Variants in STXBP3 observed in about 807,000 individuals in gnomAD.
The protein encoded by STXBP3 is syntaxin binding protein 3.
STXBP3 carries 41 observed loss-of-function variants against 85.7 expected under a neutral mutation model. That is an observed-to-expected ratio of 0.48 (90% CI 0.37 to 0.62). The LOEUF (loss-of-function observed/expected upper bound fraction) is 0.62, where lower values mean the gene tolerates loss of function less well. Ranked by LOEUF, STXBP3 falls within the 20% of genes least tolerant of loss-of-function variation. STXBP3 has a pLI of 0.00. For synonymous variants in STXBP3, 229 were observed against 231.7 expected (o/e 0.99, Z 0.10); for missense variants, 563 against 703.1 (o/e 0.80, Z 2.25).
At chr1:108,804,375 C>T (rs1557816892) in intron 17 of STXBP3, among the ~76,000 whole-genome samples, 1 of 151,986 alleles carries the variant, frequency 6.6e-6, no homozygotes, top group Non-Finnish European at 1.5e-5. Flanking sequence ...CTTTTTTAAA[C>T]ATGCTTGGAC....
At chr1:108,802,414 A>C (rs1277034) in intron 17 of STXBP3, among the ~76,000 whole-genome samples, 1 of 150,234 alleles carries the variant, frequency 6.7e-6, no homozygotes, top group Non-Finnish European at 1.5e-5. Context: ...TTAATTAATT[A>C]ATTTATTTAT....
intron 9 of STXBP3, 97 bp from the exon 10 acceptor site, chr1:108,782,325 C>T (rs1662732474): frequency 1.1e-6 from 1 of 932,472 alleles, no homozygotes; most frequent in Non-Finnish European, 1.6e-6. Flanking sequence ...TTTTCAGTTT[C>T]TTGAGTTGTG....
At chr1:108,808,124 G>A (rs1472554510) in intron 18 of STXBP3, among the ~76,000 whole-genome samples, 1 of 152,174 alleles carries the variant, frequency 6.6e-6, no homozygotes, top group African/African-American at 2.4e-5. Flanking sequence ...CCATTAAATA[G>A]TTTTTGAGGC....
At chr1:108,771,736 C>T (rs1197887633) in intron 6 of STXBP3, among the ~76,000 whole-genome samples, 1 of 13,940 alleles carries the variant, frequency 7.2e-5, no homozygotes, top group Non-Finnish European at 1.6e-4. Context: ...CTATATATAT[C>T]ATATATAAAT....
intron 6 of STXBP3, among the ~76,000 whole-genome samples, chr1:108,761,304 C>T (rs762754756): frequency 1.4e-5 from 2 of 146,266 alleles, no homozygotes; most frequent in Non-Finnish European, 3.0e-5. Context: ...TTCCTTTAAA[C>T]TTATTATTTT....
At chr1:108,768,101 T>C (rs915097223) in intron 6 of STXBP3, among the ~76,000 whole-genome samples, 12 of 152,326 alleles carry the variant, frequency 7.9e-5, no homozygotes, top group East Asian at 1.9e-4. Context: ...AAGCATCTTG[T>C]AGTCGGCCAC....
rs574596579 is a variant in STXBP3 at position 108,779,054 on chromosome 1, T to A, written c.685-232T>A. 1.7e-4 allele frequency among the ~76,000 whole-genome samples: 26 copies of A among 152,308 alleles called. No homozygotes were observed. The South Asian group carries it at 3.5e-3, about 21-fold the overall frequency. ...ACTCTAATTACAAAAGTAATTAGAT[T>A]TTAGTTATATAGTCTTCATTTTTCC... is the stretch of plus-strand genomic sequence containing the variant. On this transcript the variant is annotated intron_variant, in intron 8 of 18. Coordinates refer to ENST00000370008, the MANE Select transcript of STXBP3 (RefSeq NM_007269.4).
chr1:108,797,187 T>A (rs144218741), intron 15 of STXBP3, among the ~76,000 whole-genome samples: 8 of 151,766 alleles, frequency 5.3e-5, no homozygotes, highest in Non-Finnish European at 1.2e-4. Flanking sequence ...AGACCTCGCC[T>A]CTACAAAAAA....
At chr1:108,776,279 ATAAAG>A (rs2101120275) in intron 7 of STXBP3, 49 bp from the exon 8 acceptor site, 1 of 1,189,962 alleles carries the variant, frequency 8.4e-7, no homozygotes, top group Admixed American at 2.6e-5. Flanking sequence ...TCATGATATT[ATAAAG>A]TATACACTGA....
At chr1:108,746,824 C>T (rs1418075194) in intron 1 of STXBP3, 38 bp downstream of exon 1, 3 of 1,541,894 alleles carry the variant, frequency 1.9e-6, no homozygotes, top group African/African-American at 1.4e-5. Flanking sequence ...GAGGGAAGGC[C>T]GGGAGGCTGC....
At chr1:108,797,967 T>C (rs542431763) in intron 15 of STXBP3, among the ~76,000 whole-genome samples, 178 bp from the exon 16 acceptor site, 1 of 152,344 alleles carries the variant, frequency 6.6e-6, no homozygotes, top group South Asian at 2.1e-4. Flanking sequence ...CAAAATACTG[T>C]TCAGTGGAGT....
chr1:108,769,100 A>C (rs2358709), intron 6 of STXBP3, among the ~76,000 whole-genome samples: 10 of 151,968 alleles, frequency 6.6e-5, no homozygotes, highest in Admixed American at 3.9e-4. Context: ...CACATATTTT[A>C]ATATTGTTTT....
At chr1:108,801,742 T>G (rs1663237348) in intron 17 of STXBP3, among the ~76,000 whole-genome samples, 1 of 151,896 alleles carries the variant, frequency 6.6e-6, no homozygotes, top group Non-Finnish European at 1.5e-5. Flanking sequence ...GATCGTAGCT[T>G]ACTATAAACT....
Position 108,759,331 on chromosome 1 carries a change from G to C in STXBP3, c.338-654G>C, listed in dbSNP as rs916669969. ...TTGTAATGTAACCTTATTATACAGA[G>C]CATCATGTTTATGGAATTGATGAAA... is the stretch of plus-strand genomic sequence containing the variant. On this transcript the variant is annotated intron_variant, in intron 5 of 18. Coordinates refer to ENST00000370008, the MANE Select transcript of STXBP3 (RefSeq NM_007269.4). 3 of 152,230 alleles carry C rather than the reference G, an allele frequency of 2.0e-5. No individual in the cohort carries two copies. The East Asian group carries it at 5.8e-4, about 29-fold the overall frequency. 9.4% of individuals were successfully genotyped at this position (152,230 alleles called of 1,614,324 possible). A position where few individuals can be genotyped will look rare whatever the true frequency, so the allele number is the denominator to read the frequency against.
In STXBP3 at chr1:108,798,210, G is replaced by A; in HGVS notation, c.1422G>A (p.Trp474Ter). ...SAEETFQLSR[W>*]TPFIKDIMED... ...AAGAAACTTTTCAGCTCTCTCGGTG[G>A]ACACCTTTTATCAAAGATATTATGG... The change falls in exon 16 of 19, where the codon TGG (tryptophan) becomes TGA (stop). Residue 474 changes from tryptophan to a stop codon, truncating the protein, a stop_gained. Coordinates refer to ENST00000370008, the MANE Select transcript of STXBP3 (RefSeq NM_007269.4). LOFTEE classifies it high-confidence loss of function. 6.2e-7 allele frequency: 1 copy of A among 1,612,360 alleles called. No homozygotes were observed. Among genetic ancestry groups the A allele is most frequent in the Non-Finnish European group, 8.5e-7 (1 of 1,179,428 alleles).
intron 1 of STXBP3, among the ~76,000 whole-genome samples, chr1:108,748,308 A>T (rs935045709): frequency 6.6e-5 from 10 of 152,128 alleles, no homozygotes; most frequent in Non-Finnish European, 7.4e-5. Flanking sequence ...CCGGGGCAAG[A>T]TGATCACCTG....
At chr1:108,795,505 A>G (rs886329620) in intron 13 of STXBP3, among the ~76,000 whole-genome samples, 7 of 149,242 alleles carry the variant, frequency 4.7e-5, no homozygotes, top group African/African-American at 1.2e-4. Flanking sequence ...AAAAAAAAAG[A>G]AAAAAAAAAC....
At chr1:108,776,449 C>G in intron 8 of STXBP3, 26 bp downstream of exon 8, 1 of 1,526,766 alleles carries the variant, frequency 6.5e-7, no homozygotes, top group Non-Finnish European at 9.0e-7. Flanking sequence ...CAAGTAATGA[C>G]TATGCATAAA....
rs1014764609 is a variant in STXBP3 at position 108,809,394 on chromosome 1, C to T, written c.*517C>T. The T allele has an allele frequency of 6.5e-6, 1 of 152,808 alleles. No individual in the cohort carries two copies. The highest frequency in any genetic ancestry group is 2.4e-5 in the African/African-American group (1 of 41,424). The allele number at this position is 152,808 out of a possible 1,614,324, so 9.5% of individuals were successfully genotyped here. A position where few individuals can be genotyped will look rare whatever the true frequency, so the allele number is the denominator to read the frequency against. On this transcript the variant is annotated 3_prime_UTR_variant, in exon 19 of 19. Transcript: ENST00000370008. Reference sequence around the variant, plus strand: ...CATTAATAGAAATGGAGTGATTTCACAGTGTGTACTGTTTTGCCACATACT... The same window carrying T: ...CATTAATAGAAATGGAGTGATTTCATAGTGTGTACTGTTTTGCCACATACT...
Sources: gnomAD v4.1 joint callset for allele counts (sites outside exome capture counted in the v4.1 genomes callset) on GRCh38, gnomAD v4.1.1 for gene constraint, MANE v1.5 for transcripts, NCBI Gene and HGNC (gene_info 2026-07-23, HGNC 2026-07-21) for gene names.